The following LMO7 variants were observed in gnomAD, a reference collection of about 807,000 sequenced individuals.
LMO7 encodes LIM domain only protein 7.
LMO7 carries 120 observed loss-of-function variants against 206.5 expected under a neutral mutation model. The observed-to-expected ratio is 0.58, with a 90% CI of 0.50 to 0.68. The LOEUF is 0.68. Ranked by LOEUF, LMO7 falls within the 30% of genes least tolerant of loss-of-function variation. The pLI is 0.00. For missense variants in LMO7, 1,959 were observed against 1,957.9 expected (o/e 1.00, Z -0.01); for synonymous variants, 706 against 681.5 (o/e 1.04, Z -0.56).
chr13:75,814,547 G>C (rs2056784372), intron 11 of LMO7, among the ~76,000 whole-genome samples: 4 of 152,204 alleles, frequency 2.6e-5, no homozygotes, highest in Non-Finnish European at 5.9e-5. Flanking sequence ...ATATTATCTA[G>C]ATCATTAATT....
chr13:75,748,094 T>A (rs1342132338), intron 3 of LMO7, among the ~76,000 whole-genome samples: 1 of 152,158 alleles, frequency 6.6e-6, no homozygotes, highest in Non-Finnish European at 1.5e-5. Flanking sequence ...AGCCAAGGAA[T>A]GCAGGTGGCT....
chr13:75,808,023 A>G lies in LMO7; in HGVS notation c.1740A>G (p.Ser580=), dbSNP rs748023288. ...KSNSCRILVP[S]YRQKKDDMLT... The stretch of plus-strand genomic sequence containing the variant: ...ATAGCTGTAGAATATTAGTTCCTTC[A>G]TATCGGCAGAAGAAAGATGACATGC... The change falls in exon 10 of 31, where the codon TCA becomes TCG. Residue 580 remains serine (S), a synonymous_variant. Coordinates refer to ENST00000377534, the MANE Select transcript of LMO7 (RefSeq NM_001306080.2). 3 of 1,613,850 alleles carry G rather than the reference A, an allele frequency of 1.9e-6. No homozygotes were observed. Among genetic ancestry groups the G allele is most frequent in the Non-Finnish European group, 2.5e-6 (3 of 1,179,882 alleles).
chr13:75,776,830 G>C (rs1417852357), intron 4 of LMO7, among the ~76,000 whole-genome samples: 1 of 152,182 alleles, frequency 6.6e-6, no homozygotes, highest in Non-Finnish European at 1.5e-5. Context: ...CACTAGTAAA[G>C]CTCTAGGTTG....
intron 3 of LMO7, among the ~76,000 whole-genome samples, chr13:75,752,925 T>A (rs976680317): frequency 1.3e-5 from 2 of 152,222 alleles, no homozygotes; most frequent in Non-Finnish European, 2.9e-5. Context: ...ATGTAATGAT[T>A]TCTTTTTCCT....
intron 4 of LMO7, 32 bp downstream of exon 4, chr13:75,761,070 TA>T: frequency 1.5e-6 from 2 of 1,307,742 alleles, no homozygotes; most frequent in Admixed American, 4.3e-5. Flanking sequence ...GATATATATA[TA>T]TATATTTAAA....
At chr13:75,756,594 T>C (rs2047700432) in intron 3 of LMO7, among the ~76,000 whole-genome samples, 1 of 152,190 alleles carries the variant, frequency 6.6e-6, no homozygotes, top group Admixed American at 6.5e-5. Flanking sequence ...TCAGAATTTC[T>C]GTGGACCAGT....
chr13:75,837,721 T>C (rs1448212280), intron 19 of LMO7, among the ~76,000 whole-genome samples: 2 of 152,206 alleles, frequency 1.3e-5, no homozygotes, highest in Admixed American at 6.5e-5. Flanking sequence ...CCCCATTACT[T>C]TTCACTTCTT....
Position 75,646,575 on chromosome 13 carries a change from CTTT to C in LMO7, c.69+9865_69+9867del, listed in dbSNP as rs72416416. On this transcript the variant is annotated intron_variant, in intron 1 of 30. Coordinates refer to ENST00000377534, the MANE Select transcript of LMO7 (RefSeq NM_001306080.2). ...AGCTGTTACTCAGATGTAGAGAGAACTTTTTTTTTTTTTTTTTTAATTTTTGAG... is the reference window on the plus strand; with the variant it reads ...AGCTGTTACTCAGATGTAGAGAGAACTTTTTTTTTTTTTTTAATTTTTGAG... 1.9e-3 allele frequency among the ~76,000 whole-genome samples: 263 copies of C among 139,540 alleles called. 2 individuals are homozygous for C. The East Asian group carries it at 0.023, about 12-fold the overall frequency. 91.5% of individuals were successfully genotyped at this position (139,540 alleles called of 152,430 possible).
In LMO7 at chr13:75,821,617, A is replaced by T. The variant is rs1169218382; in HGVS notation, c.2640+8A>T. The T allele has an allele frequency of 6.2e-7, 1 of 1,602,952 alleles. No homozygotes were observed. ...CTCCCCAGATCTTACACGGTAAAAA[A>T]TGTTCTCGGTTCATTTAGTCTGTTC... On this transcript the variant is annotated splice_region_variant and intron_variant, in intron 14 of 30. Transcript: ENST00000377534.
At chr13:75,730,324 C>G (rs987116847) in intron 3 of LMO7, among the ~76,000 whole-genome samples, 14 of 152,294 alleles carry the variant, frequency 9.2e-5, no homozygotes, top group African/African-American at 3.4e-4. Context: ...TTGGTCTGTT[C>G]AGAGATTCAA....
chr13:75,805,388 G>A, intron 8 of LMO7, 91 bp from the exon 9 acceptor site: 1 of 1,349,608 alleles, frequency 7.4e-7, no homozygotes, highest in Non-Finnish European at 1.0e-6. Context: ...GTTCACAGTG[G>A]TGTAAACTTT....
chr13:75,640,543 C>A (rs1414039499), intron 1 of LMO7, among the ~76,000 whole-genome samples: 1 of 152,180 alleles, frequency 6.6e-6, no homozygotes, highest in Non-Finnish European at 1.5e-5. Context: ...TCCAGCCCCA[C>A]CCATTCCTTT....
chr13:75,838,422 T>C, intron 20 of LMO7: 2 of 506,844 alleles, frequency 3.9e-6, no homozygotes, highest in East Asian at 7.2e-5. Flanking sequence ...TGTATACCTC[T>C]AAACATTTTA....
chr13:75,707,753 A>G (rs1211662965), intron 1 of LMO7, among the ~76,000 whole-genome samples: 1 of 151,958 alleles, frequency 6.6e-6, no homozygotes, highest in Admixed American at 6.6e-5. Flanking sequence ...GTCTTTTTTT[A>G]AAAAAATATA....
At position 75,760,629 on chromosome 13, in the gene LMO7, A is replaced by G. The variant is rs1026047260; in HGVS notation, c.211-303A>G. 3.4e-6 allele frequency: 5 copies of G among 1,451,298 alleles called. No individual in the cohort carries two copies. In the African/African-American group the frequency reaches 7.1e-5, roughly 21 times the overall value. 89.9% of individuals were successfully genotyped at this position (1,451,298 alleles called of 1,614,324 possible). A position where few individuals can be genotyped will look rare whatever the true frequency, so the allele number is the denominator to read the frequency against. ...GAGCAGAGCTGACATCAAAGTGTAG[A>G]TTACTGCTCAGTGGCTAGGCACTTG... On this transcript the variant is annotated intron_variant, in intron 3 of 30. Transcript: ENST00000377534.
intron 1 of LMO7, chr13:75,689,079 G>T (rs557669898): frequency 6.6e-6 from 1 of 152,186 alleles, no homozygotes; most frequent in African/African-American, 2.4e-5. Context: ...TGGCCCATTT[G>T]GAAAGAAACC....
chr13:75,758,028 G>C (rs990813719), intron 3 of LMO7, among the ~76,000 whole-genome samples: 1 of 152,050 alleles, frequency 6.6e-6, no homozygotes. Flanking sequence ...CTTGATAATG[G>C]GTTACAGATT....
intron 1 of LMO7, among the ~76,000 whole-genome samples, chr13:75,657,387 A>C (rs2038157279): frequency 6.6e-6 from 1 of 152,208 alleles, no homozygotes; most frequent in Admixed American, 6.5e-5. Flanking sequence ...TGCCAATTCC[A>C]TGGGTGCAAA....
At chr13:75,744,862 G>A (rs559861477) in intron 3 of LMO7, among the ~76,000 whole-genome samples, 1 of 152,154 alleles carries the variant, frequency 6.6e-6, no homozygotes, top group Non-Finnish European at 1.5e-5. Flanking sequence ...CAGCCTTGTC[G>A]ACCAGAAACA....
Sources: gnomAD v4.1 joint callset for allele counts (sites outside exome capture counted in the v4.1 genomes callset) on GRCh38, gnomAD v4.1.1 for gene constraint, MANE v1.5 for transcripts, NCBI Gene and HGNC (gene_info 2026-07-23, HGNC 2026-07-21) for gene names.